Variants in SYT14 observed in about 807,000 individuals in gnomAD.
SYT14 encodes the protein synaptotagmin-14.
Under a neutral mutation model 74.2 loss-of-function variants are expected in SYT14, and 32 were observed. That is an observed-to-expected ratio of 0.43 (90% CI 0.33 to 0.58). The LOEUF is 0.58. Ranked by LOEUF, SYT14 falls within the 20% of genes least tolerant of loss-of-function variation. SYT14 has a pLI of 0.05. For synonymous variants in SYT14, 298 were observed against 337.7 expected, an observed-to-expected ratio of 0.88 and a Z score of 1.29; for missense variants, 791 against 981.8, an observed-to-expected ratio of 0.81 and a Z score of 2.60.
chr1:209,984,093 C>T (rs1210625776), intron 2 of SYT14, among the ~76,000 whole-genome samples: 1 of 152,192 alleles, frequency 6.6e-6, no homozygotes, highest in African/African-American at 2.4e-5. Context: ...CCACTGCAGC[C>T]TGAGGCAGCC....
At chr1:210,067,421 A>G (rs2102431047) in intron 5 of SYT14, among the ~76,000 whole-genome samples, 1 of 152,136 alleles carries the variant, frequency 6.6e-6, no homozygotes, top group South Asian at 2.1e-4. Flanking sequence ...CTTCTAATTC[A>G]TGAACATGAG....
chr1:210,076,518 G>A (rs2081503644), intron 5 of SYT14, among the ~76,000 whole-genome samples: 1 of 152,054 alleles, frequency 6.6e-6, no homozygotes, highest in Non-Finnish European at 1.5e-5. Flanking sequence ...CATATAAATG[G>A]AACAATACAA....
intron 2 of SYT14, among the ~76,000 whole-genome samples, chr1:209,983,992 A>G (rs1313056096): frequency 6.6e-6 from 1 of 152,188 alleles, no homozygotes; most frequent in East Asian, 1.9e-4. Context: ...TGGTCAGACA[A>G]GGACCTCTCA....
intron 2 of SYT14, among the ~76,000 whole-genome samples, chr1:209,975,257 G>A (rs933222125): frequency 6.6e-6 from 1 of 152,120 alleles, no homozygotes; most frequent in African/African-American, 2.4e-5. Flanking sequence ...AATAGGAGTG[G>A]TGAGAGAGGG....
intron 5 of SYT14, among the ~76,000 whole-genome samples, chr1:210,022,301 A>T (rs1479662859): frequency 6.6e-6 from 1 of 152,198 alleles, no homozygotes; most frequent in Admixed American, 6.5e-5. Flanking sequence ...TAGTACACAG[A>T]TATAATAATA....
chr1:210,079,963 A>G (rs544888386), intron 5 of SYT14, among the ~76,000 whole-genome samples: 20 of 152,366 alleles, frequency 1.3e-4, no homozygotes, highest in Admixed American at 7.8e-4. Context: ...TGAACAAAGT[A>G]AAAAGAAATT....
chr1:210,061,242 C>T lies in SYT14; in HGVS notation c.1313-33080C>T, dbSNP rs1008354622. On this transcript the variant is annotated intron_variant, in intron 5 of 9. Transcript: ENST00000637265. ...TCAGTAATACTGAATAGGACTAATA[C>T]GAAATTTTCATAATTGAGTTGGGTT... Among the ~76,000 whole-genome samples, 3 of 152,020 alleles carry T rather than the reference C, an allele frequency of 2.0e-5. No homozygotes were observed. The South Asian group carries it at 6.2e-4, about 31-fold the overall frequency.
intron 7 of SYT14, among the ~76,000 whole-genome samples, chr1:210,117,294 T>G (rs889364832): frequency 2.6e-5 from 4 of 152,138 alleles, no homozygotes; most frequent in African/African-American, 9.6e-5. Context: ...TACTCTATAA[T>G]TCAGATGTGT....
intron 5 of SYT14, among the ~76,000 whole-genome samples, chr1:210,062,910 A>G (rs1048985980): frequency 3.3e-5 from 5 of 151,416 alleles, no homozygotes; most frequent in African/African-American, 9.7e-5. Context: ...TTATTTGTGC[A>G]TGTTGGTAAA....
rs182323662 is a variant in SYT14 at position 210,054,595 on chromosome 1, T to G, written c.1312+33341T>G. Among the ~76,000 whole-genome samples, 257 of 152,334 alleles carry G rather than the reference T, an allele frequency of 1.7e-3. 3 individuals are homozygous for G. The Middle Eastern group carries it at 0.017, about 10-fold the overall frequency. ...AACAGTGATACGTAGAAAAGTAGAT[T>G]AGAAACTGTGTGCCTGGACTGAGTT... On this transcript the variant is annotated intron_variant, in intron 5 of 9. Transcript: ENST00000637265.
intron 5 of SYT14, among the ~76,000 whole-genome samples, chr1:210,048,452 A>G (rs976069472): frequency 1.3e-5 from 2 of 152,214 alleles, no homozygotes; most frequent in African/African-American, 4.8e-5. Flanking sequence ...GGCAGACAAG[A>G]CAAGAGAGCT....
intron 5 of SYT14, among the ~76,000 whole-genome samples, chr1:210,049,713 GT>G (rs925669889): frequency 6.6e-6 from 1 of 152,138 alleles, no homozygotes; most frequent in African/African-American, 2.4e-5. Context: ...CCAAACACCA[GT>G]TCTTGACTTC....
chr1:209,990,549 G>GTATATATACGTATATATATATATACGTA (rs2079652051), intron 2 of SYT14, among the ~76,000 whole-genome samples: 12 of 56,898 alleles, frequency 2.1e-4, no homozygotes, highest in East Asian at 1.6e-3. Flanking sequence ...GTATATATAT[G>GTATATATACGTATATATATATATACGTA]TATATATATA....
chr1:210,050,754 C>T (rs2080978653), intron 5 of SYT14, among the ~76,000 whole-genome samples: 2 of 152,138 alleles, frequency 1.3e-5, no homozygotes, highest in African/African-American at 4.8e-5. Flanking sequence ...TCTAAAACCA[C>T]CAGATCTTGT....
At chr1:210,069,051 A>G (rs2081347014) in intron 5 of SYT14, among the ~76,000 whole-genome samples, 2 of 151,830 alleles carry the variant, frequency 1.3e-5, no homozygotes, top group Admixed American at 6.6e-5. Flanking sequence ...GTTTGGATAT[A>G]AAATTCCAAA....
exon 10 of SYT14, chr1:210,162,912 A>T (rs1345409810): frequency 2.2e-6 from 1 of 453,152 alleles, no homozygotes; most frequent in South Asian, 1.6e-5. Flanking sequence ...TTATTGTTAC[A>T]TCAATGAGCT....
intron 5 of SYT14, among the ~76,000 whole-genome samples, chr1:210,059,384 G>A (rs1484010147): frequency 7.2e-6 from 1 of 139,222 alleles, no homozygotes; most frequent in Admixed American, 7.4e-5. Context: ...ACCTGAGTAA[G>A]ATAAATTATA....
At chr1:210,144,301 A>G (rs1389824464) in intron 7 of SYT14, among the ~76,000 whole-genome samples, 2 of 152,226 alleles carry the variant, frequency 1.3e-5, no homozygotes, top group African/African-American at 4.8e-5. Context: ...GATACAAATA[A>G]TAATACATTA....
At chr1:209,990,563 A>ATATATATGTACG (rs2079661935) in intron 2 of SYT14, among the ~76,000 whole-genome samples, 1 of 111,574 alleles carries the variant, frequency 9.0e-6, no homozygotes, top group African/African-American at 2.9e-5. Context: ...ATATATACGT[A>ATATATATGTACG]TATATATGTA....
Sources: allele counts gnomAD v4.1 joint callset (sites outside exome capture counted in the v4.1 genomes callset), GRCh38; gene constraint gnomAD v4.1.1; transcripts MANE v1.5; gene names NCBI Gene and HGNC (gene_info 2026-07-23, HGNC 2026-07-21).